NUP155: variants seen among roughly 807,000 people sequenced by gnomAD.
The protein encoded by NUP155 is nuclear pore complex protein Nup155.
NUP155 carries 71 observed loss-of-function variants against 180.4 expected under a neutral mutation model. The observed-to-expected ratio is 0.39, with a 90% CI of 0.33 to 0.48. The LOEUF (loss-of-function observed/expected upper bound fraction) is 0.48. Among genes scored for constraint, NUP155 ranks in the 20% least tolerant of loss-of-function variants. The pLI is 0.91. For synonymous variants in NUP155, 582 were observed against 559.5 expected (o/e 1.04, Z -0.57); for missense variants, 1,553 against 1,648.9 (o/e 0.94, Z 1.01).
intron 32 of NUP155, among the ~76,000 whole-genome samples, chr5:37,296,317 T>A (rs1386883311): frequency 6.6e-6 from 1 of 152,118 alleles, no homozygotes; most frequent in African/African-American, 2.4e-5. Flanking sequence ...AGACTTTTCA[T>A]TTTGTTCTGT....
chr5:37,333,624 C>T lies in NUP155; in HGVS notation c.1357G>A (p.Gly453Ser), dbSNP rs778625364. 13 of 1,613,022 alleles carry T rather than the reference C, an allele frequency of 8.1e-6. No individual in the cohort carries two copies. Among genetic ancestry groups the T allele is most frequent in the South Asian group, 3.3e-5 (3 of 91,046 alleles). ...KPMMETQMTA[G>S]VDGHSWALSA... Reference sequence around the variant, plus strand: ...AGAGCCCAGGAATGACCATCAACACCAGCTGTCATCTATGTAAAAGAAATA... The same window carrying T: ...AGAGCCCAGGAATGACCATCAACACTAGCTGTCATCTATGTAAAAGAAATA... The change falls in exon 13 of 35, where the codon GGT becomes AGT. Residue 453 changes from glycine to serine, a missense_variant. By Grantham distance (56) the Gly-to-Ser change is moderately conservative. Transcript: ENST00000231498.
chr5:37,341,165 G>A lies in NUP155; in HGVS notation c.1171C>T (p.Arg391Cys), dbSNP rs766158514. Residue 391 changes from arginine (R) to cysteine (C), a missense_variant, in exon 11 of 35, where the codon CGC becomes TGC. Arg to Cys is a radical substitution (Grantham distance 180). Transcript: ENST00000231498. ...RPNTLTLVHV[R>C]LPPGFSASST... is the part of the protein sequence containing the mutation. ...GATGCTGAGAATCCAGGAGGTAAGCGGACATGAACCAGCGTCAGTGTATTA... is the reference window on the plus strand; with the variant it reads ...GATGCTGAGAATCCAGGAGGTAAGCAGACATGAACCAGCGTCAGTGTATTA... 5.6e-6 allele frequency: 9 copies of A among 1,613,598 alleles called. No individual in the cohort carries two copies. Among genetic ancestry groups the A allele is most frequent in the South Asian group, 2.2e-5 (2 of 91,072 alleles).
chr5:37,358,187 A>G, intron 3 of NUP155, 36 bp from the exon 4 acceptor site: 1 of 1,461,126 alleles, frequency 6.8e-7, no homozygotes, highest in Non-Finnish European at 9.6e-7. Flanking sequence ...TTACACATAT[A>G]AAGCAAATAG....
intron 1 of NUP155, 185 bp downstream of exon 1, chr5:37,370,636 A>G (rs1747898732): frequency 1.3e-6 from 2 of 1,537,356 alleles, no homozygotes; most frequent in Middle Eastern, 2.4e-4. Context: ...TCAAGTATCT[A>G]CAATGAAGAA....
rs769403103 is a variant in NUP155, at chr5:37,370,914, C to A, written c.64G>T (p.Ala22Ser). The change falls in exon 1 of 35, where the codon GCT becomes TCT. Residue 22 changes from alanine to serine, a missense_variant. By Grantham distance (99) the Ala-to-Ser change is moderately conservative (BLOSUM62 1). Transcript: ENST00000231498. ...ATGAGCCGTCCAGCATTTTCCAGAGCTTCCTGCAGGGCTGCGGCAGATGTA... is the reference window on the plus strand; with the variant it reads ...ATGAGCCGTCCAGCATTTTCCAGAGATTCCTGCAGGGCTGCGGCAGATGTA... ...ASTSAAALQE[A>S]LENAGRLIDR... 6.2e-7 allele frequency: 1 copy of A among 1,614,062 alleles called. No individual in the cohort carries two copies. The highest frequency in any genetic ancestry group is 1.3e-5 in the African/African-American group (1 of 74,930).
intron 15 of NUP155, 102 bp from the exon 16 acceptor site, chr5:37,329,380 T>A: frequency 1.2e-6 from 1 of 850,178 alleles, no homozygotes; most frequent in Non-Finnish European, 2.0e-6. Context: ...GTAAATGCTT[T>A]AAACATTAGA....
chr5:37,315,133 G>T (rs977076729), intron 21 of NUP155, among the ~76,000 whole-genome samples: 1 of 152,236 alleles, frequency 6.6e-6, no homozygotes, highest in Non-Finnish European at 1.5e-5. Context: ...TTGAGAGGCT[G>T]AGGCAGGAGA....
intron 9 of NUP155, among the ~76,000 whole-genome samples, chr5:37,343,528 T>C (rs1341076809): frequency 1.3e-5 from 2 of 152,138 alleles, no homozygotes; most frequent in Non-Finnish European, 2.9e-5. Context: ...AAAAAAAGAC[T>C]AAAACCATTG....
chr5:37,314,497 A>G (rs1581148683), intron 21 of NUP155, among the ~76,000 whole-genome samples, 169 bp from the exon 22 acceptor site: 1 of 152,152 alleles, frequency 6.6e-6, no homozygotes, highest in Non-Finnish European at 1.5e-5. Context: ...CCGTGTGTGT[A>G]TATATATATG....
At chr5:37,296,975 G>A (rs1038927951) in intron 32 of NUP155, among the ~76,000 whole-genome samples, 2 of 152,048 alleles carry the variant, frequency 1.3e-5, no homozygotes, top group Admixed American at 1.3e-4. Context: ...TCAGGAGTTC[G>A]AGACCAGCCT....
At chr5:37,349,386 C>G (rs1051490757) in intron 7 of NUP155, 141 bp from the exon 8 acceptor site, 2 of 340,378 alleles carry the variant, frequency 5.9e-6, no homozygotes, top group Non-Finnish European at 1.1e-5. Context: ...GTAGTTAAAT[C>G]CTAGGATGTT....
At position 37,310,698 on chromosome 5, in the gene NUP155, T is replaced by C; in HGVS notation, c.2482A>G (p.Ile828Val). Residue 828 changes from isoleucine to valine, a missense_variant, in exon 23 of 35, where the codon ATC becomes GTC. By Grantham distance (29) the Ile-to-Val change is conservative. Coordinates refer to ENST00000231498, the MANE Select transcript of NUP155 (RefSeq NM_153485.3). ...GCCCCTGTGAGTTCTTTGTCCCTGATTACAAGATCTTTAAAGGTGGTGATC... is the reference window on the plus strand; with the variant it reads ...GCCCCTGTGAGTTCTTTGTCCCTGACTACAAGATCTTTAAAGGTGGTGATC... ...LKITTFKDLV[I>V]RDKELTGALI... The C allele has an allele frequency of 6.2e-7, 1 of 1,613,904 alleles. No homozygotes were observed. Among genetic ancestry groups the C allele is most frequent in the Non-Finnish European group, 8.5e-7 (1 of 1,179,918 alleles).
rs373733136 is a variant in NUP155 at position 37,346,787 on chromosome 5, C to T, written c.995+1718G>A. 5.3e-5 allele frequency among the ~76,000 whole-genome samples: 8 copies of T among 152,248 alleles called. 1 individual carries two copies. The East Asian group carries it at 1.3e-3, about 26-fold the overall frequency. ...TTGGCTTCCGCGTTAGGTTCTTGTA[C>T]TTATTTAGGAGTTAGATCTCAGGCA... On this transcript the variant is annotated intron_variant, in intron 9 of 34. Coordinates refer to ENST00000231498, the MANE Select transcript of NUP155 (RefSeq NM_153485.3).
chr5:37,339,691 A>C (rs368112325), intron 11 of NUP155, among the ~76,000 whole-genome samples: 1 of 152,230 alleles, frequency 6.6e-6, no homozygotes, highest in Non-Finnish European at 1.5e-5. Context: ...AACATAGTTA[A>C]GATGGCAACA....
At position 37,294,214 on chromosome 5, in the gene NUP155, G is replaced by A. The variant is rs1742394025; in HGVS notation, c.3930+115C>T. 8 of 704,964 alleles carry A rather than the reference G, an allele frequency of 1.1e-5. No homozygotes were observed. The South Asian group carries it at 1.5e-4, about 13-fold the overall frequency. 43.7% of individuals were successfully genotyped at this position (704,964 alleles called of 1,614,324 possible). On this transcript the variant is annotated intron_variant, in intron 33 of 34. Coordinates refer to ENST00000231498, the MANE Select transcript of NUP155 (RefSeq NM_153485.3). ...AGCATAATTTCCAAGACTCAACCAA[G>A]TGTAATTAGACTAAGTGATAGGATA... is the stretch of plus-strand genomic sequence containing the variant.
intron 33 of NUP155, 23 bp downstream of exon 33, chr5:37,294,304 TTA>T (rs1471675883): frequency 1.4e-6 from 2 of 1,436,426 alleles, no homozygotes; most frequent in South Asian, 1.2e-5. Flanking sequence ...GAAAATAATT[TTA>T]TGTTATTTAA....
chr5:37,313,967 A>G (rs972578511), intron 22 of NUP155, among the ~76,000 whole-genome samples: 2 of 148,396 alleles, frequency 1.3e-5, no homozygotes, highest in Non-Finnish European at 2.9e-5. Context: ...TTTAAAAAAT[A>G]TGTTTTGTAA....
At chr5:37,333,120 C>T (rs962880960) in intron 13 of NUP155, among the ~76,000 whole-genome samples, 1 of 151,964 alleles carries the variant, frequency 6.6e-6, no homozygotes. Flanking sequence ...TTTGGGAGGC[C>T]GAGGCAGGCG....
intron 21 of NUP155, among the ~76,000 whole-genome samples, chr5:37,315,207 C>T (rs1269178069): frequency 5.3e-5 from 8 of 151,934 alleles, no homozygotes; most frequent in Non-Finnish European, 7.4e-5. Flanking sequence ...ACTCCAGCCT[C>T]GGCGAAAAAG....
Sources: gnomAD v4.1 joint callset for allele counts (sites outside exome capture counted in the v4.1 genomes callset) on GRCh38, gnomAD v4.1.1 for gene constraint, MANE v1.5 for transcripts, NCBI Gene and HGNC (gene_info 2026-07-23, HGNC 2026-07-21) for gene names.